The following CDC42SE2 variants were observed in gnomAD, a reference collection of about 807,000 sequenced individuals.
CDC42SE2 encodes the protein CDC42 small effector 2.
A neutral mutation model predicts 11.5 loss-of-function variants in CDC42SE2; 3 were observed. That is an observed-to-expected ratio of 0.26 (90% CI 0.12 to 0.67). CDC42SE2 has a LOEUF of 0.67. Among genes scored for constraint, CDC42SE2 ranks in the 30% least tolerant of loss-of-function variants. The probability of loss-of-function intolerance (pLI) is 0.80; values close to 1 mark genes in which losing one functional copy is unlikely to be tolerated. For missense variants in CDC42SE2, 82 were observed against 106.8 expected, an observed-to-expected ratio of 0.77 and a Z score of 1.02; for synonymous variants, 33 against 34.8, an observed-to-expected ratio of 0.95 and a Z score of 0.18.
intron 1 of CDC42SE2, among the ~76,000 whole-genome samples, chr5:131,249,014 C>CTTTTT (rs35929101): frequency 1.4e-4 from 16 of 116,086 alleles, no homozygotes; most frequent in African/African-American, 3.6e-4. Context: ...CAGGTTACAT[C>CTTTTT]TTTTTTTTTT....
At chr5:131,308,554 A>T (rs1757828225) in intron 1 of CDC42SE2, among the ~76,000 whole-genome samples, 1 of 151,778 alleles carries the variant, frequency 6.6e-6, no homozygotes, top group African/African-American at 2.4e-5. Context: ...CATTTTCACG[A>T]TATTGATTCT....
Position 131,292,915 on chromosome 5 carries a change from A to AAAC in CDC42SE2, c.-454-23059_-454-23058insCAA, listed in dbSNP as rs1400711967. Among the ~76,000 whole-genome samples the AAAC allele has an allele frequency of 1.5e-3, 225 of 147,370 alleles. 2 individuals carry two copies. The highest frequency in any genetic ancestry group is 5.5e-3 in the African/African-American group (217 of 39,452). The stretch of plus-strand genomic sequence containing the variant: ...GTGCGAGACCCTGTCTCAAAAAAAA[A>AAAC]AAAAAAAAAAAAAAAAAAACAGAAA... On this transcript the variant is annotated intron_variant, in intron 1 of 4. Coordinates refer to ENST00000505065, the MANE Select transcript of CDC42SE2 (RefSeq NM_001375635.1).
In CDC42SE2 at chr5:131,386,336, C is replaced by T. The variant is rs112679455; in HGVS notation, c.156+692C>T. Among the ~76,000 whole-genome samples the T allele has an allele frequency of 3.2e-3, 493 of 152,324 alleles. 1 individual carries two copies. The highest frequency in any genetic ancestry group is 0.011 in the African/African-American group (467 of 41,568). Reference sequence around the variant, plus strand: ...GCTGCTCACCTCCTGTTGTGCAGCCCGGTTCCTAACAGGCCACTTCTGGTT... The same window carrying T: ...GCTGCTCACCTCCTGTTGTGCAGCCTGGTTCCTAACAGGCCACTTCTGGTT... On this transcript the variant is annotated intron_variant, in intron 4 of 4. Transcript: ENST00000505065.
chr5:131,359,914 C>T (rs573632785), intron 3 of CDC42SE2, among the ~76,000 whole-genome samples: 1 of 152,220 alleles, frequency 6.6e-6, no homozygotes, highest in Admixed American at 6.5e-5. Context: ...ATATTCCTCT[C>T]AGCTTACCAT....
chr5:131,272,779 G>A, intron 1 of CDC42SE2, among the ~76,000 whole-genome samples: 1 of 152,240 alleles, frequency 6.6e-6, no homozygotes, highest in East Asian at 1.9e-4. Context: ...TCCCTGTCTT[G>A]TTTGGATCCA....
chr5:131,343,983 T>C (rs1371339089), intron 2 of CDC42SE2, among the ~76,000 whole-genome samples: 1 of 152,214 alleles, frequency 6.6e-6, no homozygotes, highest in Non-Finnish European at 1.5e-5. Flanking sequence ...GGATACATTT[T>C]TTATGTTAAA....
rs147000170 is a variant in CDC42SE2, at chr5:131,279,958, C to A, written c.-455+15792C>A. Among the ~76,000 whole-genome samples the A allele has an allele frequency of 3.2e-3, 482 of 152,140 alleles. 2 individuals are homozygous for A. The highest frequency in any genetic ancestry group is 0.011 in the African/African-American group (460 of 41,522). On this transcript the variant is annotated intron_variant, in intron 1 of 4. Coordinates refer to ENST00000505065, the MANE Select transcript of CDC42SE2 (RefSeq NM_001375635.1). The stretch of plus-strand genomic sequence containing the variant: ...CATGAGTGTGTTTATGACCCCAGCT[C>A]CTTGGGGGCTGAGGTGGGAGGTTGC...
chr5:131,271,280 G>C (rs1580722995), intron 1 of CDC42SE2, among the ~76,000 whole-genome samples: 1 of 152,186 alleles, frequency 6.6e-6, no homozygotes, highest in East Asian at 1.9e-4. Flanking sequence ...TAATTCCACT[G>C]GGGTCTCAGC....
At chr5:131,301,991 CT>C (rs1022347209) in intron 1 of CDC42SE2, among the ~76,000 whole-genome samples, 1 of 151,776 alleles carries the variant, frequency 6.6e-6, no homozygotes, top group African/African-American at 2.4e-5. Flanking sequence ...CCTCCTTTTT[CT>C]TTTTTTATCT....
the CDC42SE2 span, among the ~76,000 whole-genome samples, chr5:131,212,017 A>C: frequency 3.3e-5 from 5 of 152,046 alleles, no homozygotes; most frequent in African/African-American, 1.2e-4. Context: ...CCTAGCTCAA[A>C]AAAATAAATA....
the CDC42SE2 span, among the ~76,000 whole-genome samples, chr5:131,225,963 G>A: frequency 6.6e-6 from 1 of 152,186 alleles, no homozygotes; most frequent in Non-Finnish European, 1.5e-5. Context: ...TATTGTTATG[G>A]GTACATGAAG....
At chr5:131,241,080 G>A (rs1476112934), upstream of CDC42SE2, among the ~76,000 whole-genome samples, 2 of 152,134 alleles carry the variant, frequency 1.3e-5, no homozygotes, top group Admixed American at 6.5e-5. Context: ...CTGGGTTCAC[G>A]CCATTCTCCT....
chr5:131,368,283 C>T lies in CDC42SE2; in HGVS notation c.54+8736C>T, dbSNP rs192865288. ...AAAAAAAAAAAAAAAAGAAGTCTTT[C>T]CCCTCCCCACTGGTATGCAGTGTAC... On this transcript the variant is annotated intron_variant, in intron 3 of 4. Transcript: ENST00000505065. Among the ~76,000 whole-genome samples the T allele has an allele frequency of 4.1e-3, 613 of 150,998 alleles. 5 individuals carry two copies. The highest frequency in any genetic ancestry group is 0.013 in the African/African-American group (530 of 41,292).
intron 4 of CDC42SE2, among the ~76,000 whole-genome samples, chr5:131,388,872 CAG>C (rs1391630697): frequency 1.3e-5 from 2 of 152,054 alleles, no homozygotes; most frequent in Non-Finnish European, 2.9e-5. Context: ...TTTTTTGATG[CAG>C]AGTCTCATTC....
chr5:131,222,153 TTAATA>T, the CDC42SE2 span, among the ~76,000 whole-genome samples: 1 of 152,250 alleles, frequency 6.6e-6, no homozygotes, highest in African/African-American at 2.4e-5. Context: ...TGTTTCTACT[TTAATA>T]TATCTGTGAT....
intron 3 of CDC42SE2, among the ~76,000 whole-genome samples, chr5:131,375,722 C>T (rs1192784790): frequency 2.0e-5 from 3 of 150,616 alleles, no homozygotes; most frequent in Non-Finnish European, 4.4e-5. Context: ...ATTTGGAATC[C>T]AAAGTAGGCT....
chr5:131,275,977 A>G (rs76437480), intron 1 of CDC42SE2, among the ~76,000 whole-genome samples: 5,236 of 152,190 alleles, frequency 0.034, 306 homozygotes, highest in African/African-American at 0.12. Context: ...ATGCATATAC[A>G]TATTTGTGTT....
intron 2 of CDC42SE2, among the ~76,000 whole-genome samples, chr5:131,341,073 T>C (rs192978558): frequency 1.3e-5 from 2 of 152,280 alleles, no homozygotes; most frequent in African/African-American, 4.8e-5. Flanking sequence ...TGGAAAAATA[T>C]TAATCATCAG....
intron 2 of CDC42SE2, among the ~76,000 whole-genome samples, chr5:131,324,853 C>T (rs1259191335): frequency 3.9e-5 from 6 of 152,078 alleles, no homozygotes; most frequent in Non-Finnish European, 7.4e-5. Context: ...GAAGTCCAGA[C>T]GTTTTCAAAA....
Sources: gnomAD v4.1 joint callset for allele counts (sites outside exome capture counted in the v4.1 genomes callset) on GRCh38, gnomAD v4.1.1 for gene constraint, MANE v1.5 for transcripts, NCBI Gene and HGNC (gene_info 2026-07-23, HGNC 2026-07-21) for gene names.